The following MTOR variants were observed in gnomAD, a reference collection of about 807,000 sequenced individuals.
MTOR encodes the protein mechanistic target of rapamycin kinase, also known as serine/threonine-protein kinase mTOR.
In MTOR, 70 loss-of-function variants were observed where a neutral mutation model predicts 319.8. The observed-to-expected ratio is 0.22, with a 90% CI of 0.18 to 0.27. The LOEUF (loss-of-function observed/expected upper bound fraction) is 0.27. Among genes scored for constraint, MTOR ranks in the 10% least tolerant of loss-of-function variants. MTOR has a pLI of 1.00. For missense variants in MTOR, 1,890 were observed against 3,274.4 expected, an observed-to-expected ratio of 0.58 and a Z score of 10.32; for synonymous variants, 1,183 against 1,211.4, an observed-to-expected ratio of 0.98 and a Z score of 0.49.
At chr1:11,192,347 T>G (rs138532214) in intron 28 of MTOR, 243 of 1,613,774 alleles carry the variant, frequency 1.5e-4, no homozygotes, top group Non-Finnish European at 2.0e-4. Context: ...TCCTGATGAC[T>G]TCCTGGGCAG....
intron 29 of MTOR, among the ~76,000 whole-genome samples, chr1:11,158,014 T>C (rs1271603930): frequency 6.6e-6 from 1 of 152,124 alleles, no homozygotes; most frequent in Non-Finnish European, 1.5e-5. Context: ...TAGCAGATGG[T>C]GTGCCACGCT....
At chr1:11,118,830 T>G (rs1642338811) in intron 49 of MTOR, among the ~76,000 whole-genome samples, 2 of 152,054 alleles carry the variant, frequency 1.3e-5, no homozygotes, top group African/African-American at 4.8e-5. Flanking sequence ...TTTGCGACGC[T>G]GCCCAGGCTG....
At chr1:11,259,978 C>T (rs557448477) in intron 1 of MTOR, among the ~76,000 whole-genome samples, 1 of 152,268 alleles carries the variant, frequency 6.6e-6, no homozygotes, top group South Asian at 2.1e-4. Context: ...TCTTCAACTA[C>T]AATAGGAAGA....
At chr1:11,261,458 C>T (rs527252783) in intron 1 of MTOR, among the ~76,000 whole-genome samples, 88 of 151,956 alleles carry the variant, frequency 5.8e-4, no homozygotes, top group African/African-American at 2.1e-3. Flanking sequence ...GGCGACAGAG[C>T]GAAACTCCGT....
chr1:11,238,453 C>T lies in MTOR; in HGVS notation c.1951G>A (p.Val651Met). The stretch of plus-strand genomic sequence containing the variant: ...AGTTTGCTAAGCACATCTGCCACCA[C>T]TTGCACTGCGGTCTGGCTAACCACA... ...AHVVSQTAVQ[V>M]VADVLSKLLV... The change falls in exon 12 of 58, where the codon GTG (valine) becomes ATG (methionine). Residue 651 changes from valine (V) to methionine (M), a missense_variant. Around this residue, in one of 15 missense-constraint regions of MTOR, gnomAD observed 418 missense variants for 543.1 expected, o/e 0.77. Coordinates refer to ENST00000361445, the MANE Select transcript of MTOR (RefSeq NM_004958.4). 1.2e-6 allele frequency: 2 copies of T among 1,614,236 alleles called. No homozygotes were observed. Among genetic ancestry groups the T allele is most frequent in the Non-Finnish European group, 8.5e-7 (1 of 1,180,042 alleles).
intron 47 of MTOR, 89 bp from the exon 48 acceptor site, chr1:11,122,215 C>CT (rs1642568649): frequency 2.5e-5 from 36 of 1,451,076 alleles, no homozygotes; most frequent in Non-Finnish European, 3.3e-5. Context: ...TTTTTTTTTT[C>CT]TTTTTTGAGA....
rs529218436 is a variant in MTOR at position 11,260,292 on chromosome 1, C to T, written c.-14-869G>A. ...GCACAGTGGCTCACGCCTGTAATCC[C>T]GGCACTTTGGGAGCCCAAGGTGGGC... is the stretch of plus-strand genomic sequence containing the variant. On this transcript the variant is annotated intron_variant, in intron 1 of 57. Coordinates refer to ENST00000361445, the MANE Select transcript of MTOR (RefSeq NM_004958.4). Among the ~76,000 whole-genome samples, 86 of 152,274 alleles carry T rather than the reference C, an allele frequency of 5.6e-4. 1 individual carries two copies. Among genetic ancestry groups the T allele is most frequent in the African/African-American group, 2.0e-3 (82 of 41,556 alleles).
At chr1:11,241,440 C>T (rs767801751) in intron 10 of MTOR, 113 bp downstream of exon 10, 7 of 1,330,780 alleles carry the variant, frequency 5.3e-6, no homozygotes, top group Non-Finnish European at 6.1e-6. Flanking sequence ...TCTAAGCTAT[C>T]CTGTCCATCC....
intron 28 of MTOR, among the ~76,000 whole-genome samples, chr1:11,192,849 AG>A (rs2100715938): frequency 6.6e-6 from 1 of 152,110 alleles, no homozygotes; most frequent in South Asian, 2.1e-4. Flanking sequence ...CTCCAAACCC[AG>A]GCATCTGTTT....
chr1:11,178,019 A>C (rs1645041059), intron 28 of MTOR, among the ~76,000 whole-genome samples: 1 of 152,134 alleles, frequency 6.6e-6, no homozygotes, highest in South Asian at 2.1e-4. Flanking sequence ...CACTCCATTC[A>C]GTCTTCATAA....
At chr1:11,167,400 A>T (rs749203281) in intron 29 of MTOR, 42 bp downstream of exon 29, 2 of 1,529,042 alleles carry the variant, frequency 1.3e-6, no homozygotes, top group African/African-American at 2.7e-5. Flanking sequence ...TCCCTAGCCA[A>T]GTCTCTACCT....
intron 54 of MTOR, among the ~76,000 whole-genome samples, chr1:11,110,889 G>A (rs1641828059): frequency 6.6e-6 from 1 of 152,118 alleles, no homozygotes; most frequent in South Asian, 2.1e-4. Context: ...GGTGCCAGCA[G>A]AACTGGCTGT....
At chr1:11,258,968 G>A (rs2100985251) in intron 2 of MTOR, among the ~76,000 whole-genome samples, 1 of 152,292 alleles carries the variant, frequency 6.6e-6, no homozygotes, top group Non-Finnish European at 1.5e-5. Flanking sequence ...GAAAGCATTT[G>A]AGGGTGTGGT....
Position 11,109,722 on chromosome 1 carries a change from C to A in MTOR, c.7374G>T (p.Leu2458Phe), listed in dbSNP as rs1641759287. ...SYSAGQSVEILDGVELGEPAH... is the reference protein window; with the variant it reads ...SYSAGQSVEIFDGVELGEPAH... ...CTGGCTCTCCAAGTTCCACACCGTC[C>A]AAAATTTCTATGGGAAAAGAAATCA... The change falls in exon 55 of 58, where the codon TTG becomes TTT. Residue 2458 changes from leucine to phenylalanine, a missense_variant. Coordinates refer to ENST00000361445, the MANE Select transcript of MTOR (RefSeq NM_004958.4). This position sits in a 1 kb window ranked among gnomAD's most constrained non-coding sequence, Gnocchi z 4.0. 4 of 1,613,942 alleles carry A rather than the reference C, an allele frequency of 2.5e-6. No homozygotes were observed. The highest frequency in any genetic ancestry group is 3.4e-6 in the Non-Finnish European group (4 of 1,179,850).
intron 30 of MTOR, among the ~76,000 whole-genome samples, chr1:11,154,272 T>C (rs545191136): frequency 1.1e-4 from 16 of 148,070 alleles, no homozygotes; most frequent in African/African-American, 3.8e-4. Flanking sequence ...TAAATGAACA[T>C]GGAATTTTTG....
At chr1:11,138,036 A>G (rs1643511487) in intron 36 of MTOR, among the ~76,000 whole-genome samples, 1 of 152,246 alleles carries the variant, frequency 6.6e-6, no homozygotes, top group Admixed American at 6.5e-5. Context: ...TTAATTCCAC[A>G]GAATTTGGGC....
At chr1:11,138,927 G>A (rs1643558276) in intron 36 of MTOR, 2 of 187,206 alleles carry the variant, frequency 1.1e-5, no homozygotes, top group Non-Finnish European at 2.2e-5. Context: ...GGAGACAGAG[G>A]TCTGAAAAAC....
At position 11,212,687 on chromosome 1, in the gene MTOR, G is replaced by A. The variant is rs765746385; in HGVS notation, c.3398+109C>T. On this transcript the variant is annotated intron_variant, in intron 22 of 57. Transcript: ENST00000361445. This position sits in a 1 kb window ranked among gnomAD's most constrained non-coding sequence, Gnocchi z 4.1. ...ATATTTCTAGACTAAAATAATGTGAGTTGAAATAACAAAAAAAATAGAAAG... is the reference window on the plus strand; with the variant it reads ...ATATTTCTAGACTAAAATAATGTGAATTGAAATAACAAAAAAAATAGAAAG... 1.7e-6 allele frequency: 2 copies of A among 1,148,710 alleles called. No individual in the cohort carries two copies. The highest frequency in any genetic ancestry group is 1.3e-6 in the Non-Finnish European group (1 of 786,872). 71.2% of individuals were successfully genotyped at this position (1,148,710 alleles called of 1,614,324 possible).
chr1:11,207,862 GA>G (rs1317216387), intron 25 of MTOR, among the ~76,000 whole-genome samples: 1 of 152,022 alleles, frequency 6.6e-6, no homozygotes, highest in Non-Finnish European at 1.5e-5. Flanking sequence ...CTAGAGTTTT[GA>G]ACTTGATCTA....
Sources: gnomAD v4.1 joint callset for allele counts (sites outside exome capture counted in the v4.1 genomes callset) on GRCh38, gnomAD v4.1.1 for gene constraint, gnomAD v4.1.1 regional missense constraint, Gnocchi (gnomAD v3.1) non-coding constraint, MANE v1.5 for transcripts, NCBI Gene and HGNC (gene_info 2026-07-23, HGNC 2026-07-21) for gene names.